The following LIMS1 variants were observed in gnomAD, a reference collection of about 807,000 sequenced individuals.
LIMS1 encodes the protein LIM zinc finger domain containing 1.
In LIMS1, 18 loss-of-function variants were observed where a neutral mutation model predicts 44.1. The ratio of observed to expected loss-of-function variants is 0.41; its 90% confidence interval spans 0.28 to 0.61. The LOEUF (loss-of-function observed/expected upper bound fraction) is 0.61, where lower values mean the gene tolerates loss of function less well. Among genes scored for constraint, LIMS1 ranks in the 20% least tolerant of loss-of-function variants. LIMS1 has a pLI of 0.32. For missense variants in LIMS1, 201 were observed against 422.0 expected (o/e 0.48, Z 4.59); for synonymous variants, 93 against 149.1 (o/e 0.62, Z 2.74).
chr2:108,644,672 T>C (rs571616839), intron 1 of LIMS1, among the ~76,000 whole-genome samples: 1 of 152,094 alleles, frequency 6.6e-6, no homozygotes, highest in African/African-American at 2.4e-5. Flanking sequence ...AGGAGTAGGC[T>C]TCAGAAGGTA....
chr2:108,662,426 C>T lies in LIMS1; in HGVS notation c.192+2662C>T, dbSNP rs1046965476. 2.8e-5 allele frequency: 42 copies of T among 1,480,824 alleles called. No homozygotes were observed. In the African/African-American group the frequency reaches 4.8e-4, roughly 17 times the overall value. 91.7% of individuals were successfully genotyped at this position (1,480,824 alleles called of 1,614,324 possible). On this transcript the variant is annotated intron_variant, in intron 2 of 9. Transcript: ENST00000544547. Reference sequence around the variant, plus strand: ...ACCCCTCACACTGGACTATAAATACCCTCCCTGGGTCTGTGTGCTGTTATT... The same window carrying T: ...ACCCCTCACACTGGACTATAAATACTCTCCCTGGGTCTGTGTGCTGTTATT...
chr2:108,603,479 G>A (rs1216452083), intron 1 of LIMS1, among the ~76,000 whole-genome samples: 1 of 136,806 alleles, frequency 7.3e-6, no homozygotes, highest in Non-Finnish European at 1.6e-5. Context: ...CAGTTGTAAT[G>A]TCTCCTTTTC....
intron 7 of LIMS1, 38 bp from the exon 8 acceptor site, chr2:108,677,941 A>G: frequency 6.4e-7 from 1 of 1,566,318 alleles, no homozygotes; most frequent in Non-Finnish European, 8.6e-7. Context: ...AAAAATTCTA[A>G]CACATCTTGA....
chr2:108,615,668 A>C (rs1687891110), intron 1 of LIMS1, among the ~76,000 whole-genome samples: 1 of 152,166 alleles, frequency 6.6e-6, no homozygotes, highest in African/African-American at 2.4e-5. Flanking sequence ...GAATGTGCAG[A>C]GCCTGCCCAT....
intron 9 of LIMS1, 66 bp downstream of exon 9, chr2:108,680,836 A>T: frequency 6.3e-7 from 1 of 1,584,260 alleles, no homozygotes; most frequent in Non-Finnish European, 8.5e-7. Flanking sequence ...ACTTAAAAAA[A>T]ATCCTAGAAT....
intron 1 of LIMS1, among the ~76,000 whole-genome samples, chr2:108,618,404 T>TC (rs1019641896): frequency 6.6e-6 from 1 of 152,172 alleles, no homozygotes; most frequent in African/African-American, 2.4e-5. Flanking sequence ...CCTGTCTTTG[T>TC]CATGGCCCTG....
intron 1 of LIMS1, among the ~76,000 whole-genome samples, chr2:108,555,266 A>G (rs1684887008): frequency 6.6e-6 from 1 of 152,172 alleles, no homozygotes; most frequent in Admixed American, 6.5e-5. Flanking sequence ...AATGAAGCAT[A>G]GCTGTGACCG....
intron 9 of LIMS1, among the ~76,000 whole-genome samples, chr2:108,682,759 TTAATA>T (rs1693088185): frequency 6.6e-6 from 1 of 152,220 alleles, no homozygotes; most frequent in Non-Finnish European, 1.5e-5. Flanking sequence ...AAAGTCTAGT[TTAATA>T]TAATGTTTAA....
intron 2 of LIMS1, among the ~76,000 whole-genome samples, chr2:108,667,344 T>G (rs764716670): frequency 6.6e-6 from 1 of 152,096 alleles, no homozygotes; most frequent in Non-Finnish European, 1.5e-5. Context: ...TTTTGACTCT[T>G]GGGAGGCCCT....
intron 1 of LIMS1, among the ~76,000 whole-genome samples, chr2:108,603,495 C>CTTTTTTTTTTT (rs55909729): frequency 1.1e-5 from 1 of 88,224 alleles, no homozygotes; most frequent in Non-Finnish European, 2.1e-5. Flanking sequence ...TTTTCATCGC[C>CTTTTTTTTTTT]TTTTTTTTTT....
rs10693112 is a variant in LIMS1, at chr2:108,597,693, C to CTTTTT, written c.33-61898_33-61894dup. Among the ~76,000 whole-genome samples, 67 of 108,518 alleles carry CTTTTT rather than the reference C, an allele frequency of 6.2e-4. 1 individual carries two copies. The highest frequency in any genetic ancestry group is 3.1e-3 in the South Asian group (9 of 2,900). 71.2% of individuals were successfully genotyped at this position (108,518 alleles called of 152,430 possible). ...CTTATCTATAATACAAGCAAAAATGCTTTTTTTTTTTTTTTTTTGCGACAG... is the reference window on the plus strand; with the variant it reads ...CTTATCTATAATACAAGCAAAAATGCTTTTTTTTTTTTTTTTTTTTTTTGCGACAG... On this transcript the variant is annotated intron_variant, in intron 1 of 9. Transcript: ENST00000544547.
chr2:108,569,474 G>A (rs2104628017), intron 1 of LIMS1, among the ~76,000 whole-genome samples: 1 of 152,176 alleles, frequency 6.6e-6, no homozygotes, highest in Middle Eastern at 3.4e-3. Context: ...GGGGACTTAT[G>A]TTTAGGTTTT....
rs190761003 is a variant in LIMS1 at position 108,632,524 on chromosome 2, T to G, written c.33-27081T>G. On this transcript the variant is annotated intron_variant, in intron 1 of 9. Transcript: ENST00000544547. ...GTGAAGGAAAACTCAAGGGAGGATA[T>G]GCCCAGAGTCCTGATGTTCTGGACA... is the stretch of plus-strand genomic sequence containing the variant. Among the ~76,000 whole-genome samples, 453 of 152,310 alleles carry G rather than the reference T, an allele frequency of 3.0e-3. 1 individual carries two copies. Among genetic ancestry groups the G allele is most frequent in the African/African-American group, 0.01 (425 of 41,564 alleles).
In LIMS1 at chr2:108,539,428, A is replaced by T. The variant is rs143176186; in HGVS notation, c.32+4834A>T. Among the ~76,000 whole-genome samples the T allele has an allele frequency of 1.6e-3, 243 of 152,276 alleles. 1 individual carries two copies. Among genetic ancestry groups the T allele is most frequent in the Non-Finnish European group, 2.7e-3 (181 of 68,012 alleles). On this transcript the variant is annotated intron_variant, in intron 1 of 9. Transcript: ENST00000544547. ...TTCTGAGTGTAGAGTTAGTATGTGC[A>T]TGAGTGTTTGGGTCCATGTTCTAGT... is the stretch of plus-strand genomic sequence containing the variant.
intron 1 of LIMS1, among the ~76,000 whole-genome samples, chr2:108,589,556 G>A (rs755974956): frequency 6.6e-6 from 1 of 151,818 alleles, no homozygotes; most frequent in Non-Finnish European, 1.5e-5. Context: ...GCTAACATTG[G>A]GCCTAGTTTG....
At chr2:108,587,274 G>A (rs538587199) in intron 1 of LIMS1, among the ~76,000 whole-genome samples, 1 of 147,992 alleles carries the variant, frequency 6.8e-6, no homozygotes, top group Non-Finnish European at 1.5e-5. Context: ...AAAGTGATGA[G>A]TTGTTTTCTT....
At chr2:108,545,709 T>A (rs1430726588) in intron 1 of LIMS1, among the ~76,000 whole-genome samples, 1 of 152,172 alleles carries the variant, frequency 6.6e-6, no homozygotes, top group Non-Finnish European at 1.5e-5. Context: ...GGAGGAGAAC[T>A]TGCCTCAGGA....
rs1284906018 is a variant in LIMS1 at position 108,534,402 on chromosome 2, TC to T, written c.-153del. On this transcript the variant is annotated 5_prime_UTR_variant, in exon 1 of 10. Transcript: ENST00000544547. Reference sequence around the variant, plus strand: ...CCTTCCCGCGCGGCCCGCCTCGCCTTCCCCCCCCTCCCGCGCCCCCGCGCGG... The same window carrying T: ...CCTTCCCGCGCGGCCCGCCTCGCCTTCCCCCCCTCCCGCGCCCCCGCGCGG... 5.4e-3 allele frequency: 1,786 copies of T among 330,996 alleles called. 14 individuals are homozygous for T. Among genetic ancestry groups the T allele is most frequent in the East Asian group, 0.018 (268 of 15,108 alleles). 20.5% of individuals were successfully genotyped at this position (330,996 alleles called of 1,614,324 possible).
chr2:108,622,034 A>AT (rs941418414), intron 1 of LIMS1, among the ~76,000 whole-genome samples: 1 of 152,082 alleles, frequency 6.6e-6, no homozygotes, highest in Non-Finnish European at 1.5e-5. Context: ...ACACAATTTT[A>AT]TTTTTTTGTT....
Sources: allele counts gnomAD v4.1 joint callset (sites outside exome capture counted in the v4.1 genomes callset), GRCh38; gene constraint gnomAD v4.1.1; transcripts MANE v1.5; gene names NCBI Gene and HGNC (gene_info 2026-07-23, HGNC 2026-07-21).